Variants in PCDHGA4 observed in about 807,000 individuals in gnomAD.
PCDHGA4 encodes the protein protocadherin gamma subfamily A, 4.
PCDHGA4 carries 38 observed loss-of-function variants against 54.6 expected under a neutral mutation model. That is an observed-to-expected ratio of 0.70 (90% CI 0.54 to 0.91). The LOEUF is 0.91. Ranked by LOEUF, PCDHGA4 falls within the 40% of genes least tolerant of loss-of-function variation. The pLI is 0.00. For synonymous variants in PCDHGA4, 511 were observed against 512.9 expected, an observed-to-expected ratio of 1.00 and a Z score of 0.05; for missense variants, 1,298 against 1,220.9, an observed-to-expected ratio of 1.06 and a Z score of -0.94.
chr5:141,394,514 C>G (rs2093021412), intron 1 of PCDHGA4: 2 of 1,614,230 alleles, frequency 1.2e-6, no homozygotes, highest in South Asian at 1.1e-5. Context: ...ACCCCGCCCT[C>G]CCCACAGACG....
intron 1 of PCDHGA4, chr5:141,418,984 C>T: frequency 6.2e-7 from 1 of 1,613,930 alleles, no homozygotes; most frequent in African/African-American, 1.3e-5. Flanking sequence ...GGGACCAAGA[C>T]TCAGGGGAAA....
Position 141,494,815 on chromosome 5 carries a change from G to C in PCDHGA4, c.2523G>C (p.Pro841=). 6.2e-7 allele frequency: 1 copy of C among 1,613,976 alleles called. No individual in the cohort carries two copies. The highest frequency in any genetic ancestry group is 8.5e-7 in the Non-Finnish European group (1 of 1,179,982). Residue 841 remains proline, a synonymous_variant, in exon 2 of 4, where the codon CCG becomes CCC. Transcript: ENST00000571252. Reference sequence around the variant, plus strand: ...CTCTGTTTTCTCCACAGCAAGCCCCGCCCAACACGGACTGGCGTTTCTCTC... The same window carrying C: ...CTCTGTTTTCTCCACAGCAAGCCCCCCCCAACACGGACTGGCGTTTCTCTC... ...TKGDPNLQQA[P]PNTDWRFSQA...
chr5:141,394,826 C>G, intron 1 of PCDHGA4: 1 of 1,613,882 alleles, frequency 6.2e-7, no homozygotes, highest in Non-Finnish European at 8.5e-7. Context: ...TCCCCGAAGT[C>G]CTGACCGAGT....
In PCDHGA4 at chr5:141,360,561, T is replaced by C. The variant is rs1479698668; in HGVS notation, c.2514+2940T>C. 4 of 1,613,992 alleles carry C rather than the reference T, an allele frequency of 2.5e-6. No homozygotes were observed. The African/African-American group carries it at 5.3e-5, about 21-fold the overall frequency. ...AACAGACTAAGATTAATTTAAAAAT[T>C]GGCGAATCCACTAAGCCAGGTACAA... On this transcript the variant is annotated intron_variant, in intron 1 of 3. Transcript: ENST00000571252.
At position 141,356,470 on chromosome 5, in the gene PCDHGA4, G is replaced by C; in HGVS notation, c.1363G>C (p.Ala455Pro). 6.2e-7 allele frequency: 1 copy of C among 1,613,754 alleles called. No homozygotes were observed. Among genetic ancestry groups the C allele is most frequent in the Non-Finnish European group, 8.5e-7 (1 of 1,179,780 alleles). Residue 455 changes from alanine to proline, a missense_variant, in exon 1 of 4, where the codon GCC (alanine) becomes CCC (proline). By Grantham distance (27) the Ala-to-Pro change is conservative. Coordinates refer to ENST00000571252, the MANE Select transcript of PCDHGA4 (RefSeq NM_018917.4). ...EVSEYNITVT[A>P]TDQGTPPLST... ...CTCAGAATATAACATCACTGTAACT[G>C]CCACTGACCAGGGAACTCCTCCACT...
intron 1 of PCDHGA4, among the ~76,000 whole-genome samples, chr5:141,461,001 A>G (rs1309762345): frequency 4.0e-5 from 6 of 150,320 alleles, no homozygotes; most frequent in South Asian, 4.2e-4. Context: ...ATATATGTGT[A>G]TATATATATA....
chr5:141,355,689 T>C lies in PCDHGA4; in HGVS notation c.582T>C (p.Gly194=), dbSNP rs755221560. The change falls in exon 1 of 4, where the codon GGT becomes GGC. Residue 194 remains glycine, a synonymous_variant. Transcript: ENST00000571252. ...CTGAAGCTTTTGATCCGGATGTAGG[T>C]GTAAACTCCCTGCAGGGTTACCAGC... ...PLPEAFDPDV[G]VNSLQGYQLN... 1.2e-5 allele frequency: 20 copies of C among 1,613,838 alleles called. No individual in the cohort carries two copies. The highest frequency in any genetic ancestry group is 1.7e-5 in the Admixed American group (1 of 60,000).
rs769717528 is a variant in PCDHGA4, at chr5:141,390,239, C to G, written c.2514+32618C>G. ...TACTTTGCGGTGATTCATCTGGGGCCTTATTTCCACTTTGTAATTCCAGTG... is the reference window on the plus strand; with the variant it reads ...TACTTTGCGGTGATTCATCTGGGGCGTTATTTCCACTTTGTAATTCCAGTG... On this transcript the variant is annotated intron_variant, in intron 1 of 3. Coordinates refer to ENST00000571252, the MANE Select transcript of PCDHGA4 (RefSeq NM_018917.4). 32 of 1,613,904 alleles carry G rather than the reference C, an allele frequency of 2.0e-5. No homozygotes were observed. In the Admixed American group the frequency reaches 5.3e-4, roughly 27 times the overall value.
intron 1 of PCDHGA4, chr5:141,419,377 C>A (rs2096371335): frequency 6.2e-7 from 1 of 1,613,572 alleles, no homozygotes; most frequent in African/African-American, 1.3e-5. Flanking sequence ...CCTACGTGTC[C>A]GTGAGCGCGC....
At chr5:141,381,012 AC>A (rs1776931879) in intron 1 of PCDHGA4, among the ~76,000 whole-genome samples, 1 of 152,354 alleles carries the variant, frequency 6.6e-6, no homozygotes, top group South Asian at 2.1e-4. Context: ...CATCTATAAT[AC>A]CTCTATTAGT....
Position 141,491,507 on chromosome 5 carries a change from C to G in PCDHGA4, c.2515-3300C>G, listed in dbSNP as rs755899622. The stretch of plus-strand genomic sequence containing the variant: ...AACCTGCAGGTGAGCTCGGACGGCA[C>G]GCTCAAGTACATGGAGGTGACGCTG... On this transcript the variant is annotated intron_variant, in intron 1 of 3. Coordinates refer to ENST00000571252, the MANE Select transcript of PCDHGA4 (RefSeq NM_018917.4). This position sits in a 1 kb window ranked among gnomAD's most constrained non-coding sequence, Gnocchi z 6.9. 1.5e-5 allele frequency: 24 copies of G among 1,614,038 alleles called. No individual in the cohort carries two copies. The highest frequency in any genetic ancestry group is 2.0e-5 in the Non-Finnish European group (24 of 1,180,016).
Position 141,511,225 on chromosome 5 carries a change from C to A in PCDHGA4, c.*52C>A. ...GGCGGCCTCTCCCCAACCAGCCCAG[C>A]TTCTCCTTACCTGCACCCAGGCCTC... On this transcript the variant is annotated 3_prime_UTR_variant, in exon 4 of 4. Transcript: ENST00000571252. The A allele has an allele frequency of 6.2e-7, 1 of 1,601,624 alleles. No individual in the cohort carries two copies. Among genetic ancestry groups the A allele is most frequent in the Non-Finnish European group, 8.5e-7 (1 of 1,174,162 alleles).
chr5:141,408,157 T>C (rs748693406), intron 1 of PCDHGA4: 70 of 1,514,372 alleles, frequency 4.6e-5, no homozygotes, highest in Non-Finnish European at 5.9e-5. Flanking sequence ...AGAGTGCACT[T>C]TCTCCAACTG....
Position 141,355,170 on chromosome 5 carries a change from G to T in PCDHGA4, c.63G>T (p.Pro21=), listed in dbSNP as rs200043254. ...GAPQASTEGK[P]KHRRLRGGVV... ...CTCAGGCCTCGACAGAGGGAAAACC[G>T]AAGCACAGGCGACTCCGCGGCGGGG... Residue 21 remains proline, a synonymous_variant, in exon 1 of 4, where the codon CCG becomes CCT. Coordinates refer to ENST00000571252, the MANE Select transcript of PCDHGA4 (RefSeq NM_018917.4). 1 of 1,569,780 alleles carries T rather than the reference G, an allele frequency of 6.4e-7. No homozygotes were observed. The highest frequency in any genetic ancestry group is 8.6e-7 in the Non-Finnish European group (1 of 1,158,602).
rs775153988 is a variant in PCDHGA4 at position 141,485,268 on chromosome 5, G to A, written c.2515-9539G>A. On this transcript the variant is annotated intron_variant, in intron 1 of 3. Coordinates refer to ENST00000571252, the MANE Select transcript of PCDHGA4 (RefSeq NM_018917.4). This position sits in a 1 kb window ranked among gnomAD's most constrained non-coding sequence, Gnocchi z 5.7. ...CTGGGTTACGTTTGTGGGCAGATCC[G>A]CTACCCGGTCCCAGAGGAGTCACAG... 6.2e-7 allele frequency: 1 copy of A among 1,614,100 alleles called. No homozygotes were observed. Among genetic ancestry groups the A allele is most frequent in the Non-Finnish European group, 8.5e-7 (1 of 1,179,936 alleles).
chr5:141,505,405 C>T lies in PCDHGA4; in HGVS notation c.2586C>T (p.Gly862=), dbSNP rs745516568. 2.5e-6 allele frequency: 4 copies of T among 1,614,130 alleles called. No individual in the cohort carries two copies. The highest frequency in any genetic ancestry group is 3.3e-4 in the Middle Eastern group (2 of 6,062). ...QRPGTSGSQN[G]DDTGTWPNNQ... ...ACTCTCTCCCCAGCTCCCAAAATGG[C>T]GATGACACCGGCACCTGGCCCAACA... Residue 862 remains glycine (G), a synonymous_variant, in exon 3 of 4, where the codon GGC becomes GGT. Transcript: ENST00000571252.
At position 141,432,032 on chromosome 5, in the gene PCDHGA4, A is replaced by G; in HGVS notation, c.2515-62775A>G. On this transcript the variant is annotated intron_variant, in intron 1 of 3. Coordinates refer to ENST00000571252, the MANE Select transcript of PCDHGA4 (RefSeq NM_018917.4). The surrounding 1 kb of genome is among the most constrained non-coding windows in gnomAD (Gnocchi z 6.0). ...TAGCTACAACATCACAGTGACCGCC[A>G]CTGACCGGGGAACCCCGCCCCTATC... 2 of 1,614,242 alleles carry G rather than the reference A, an allele frequency of 1.2e-6. No homozygotes were observed. Among genetic ancestry groups the G allele is most frequent in the South Asian group, 1.1e-5 (1 of 91,086 alleles).
At chr5:141,483,648 TTGTGTGTGTG>T (rs111458813) in intron 1 of PCDHGA4, among the ~76,000 whole-genome samples, 35 of 149,708 alleles carry the variant, frequency 2.3e-4, no homozygotes, top group Non-Finnish European at 4.6e-4. Flanking sequence ...GGGTGTGTGT[TTGTGTGTGTG>T]TGTGTGTGTG....
At chr5:141,409,294 G>T (rs1438036410) in intron 1 of PCDHGA4, 11 of 1,613,826 alleles carry the variant, frequency 6.8e-6, no homozygotes, top group South Asian at 1.1e-5. Flanking sequence ...CTCCAGGAAT[G>T]GTTGTTGCCC....
Sources: gnomAD v4.1 joint callset for allele counts (sites outside exome capture counted in the v4.1 genomes callset) on GRCh38, gnomAD v4.1.1 for gene constraint, Gnocchi (gnomAD v3.1) non-coding constraint, MANE v1.5 for transcripts, NCBI Gene and HGNC (gene_info 2026-07-23, HGNC 2026-07-21) for gene names.